BMAL2: variants seen among roughly 807,000 people sequenced by gnomAD.
BMAL2 encodes basic helix-loop-helix ARNT like 2, also known as basic helix-loop-helix ARNT-like protein 2.
At chr12:27,409,937 T>C in the BMAL2 span, among the ~76,000 whole-genome samples, 2 of 151,978 alleles carry the variant, frequency 1.3e-5, no homozygotes, top group African/African-American at 4.8e-5. Context: ...GGGCAAAGGA[T>C]ATGAACAGAT....
the BMAL2 span, among the ~76,000 whole-genome samples, chr12:27,346,483 G>A: frequency 7.9e-5 from 12 of 152,054 alleles, no homozygotes; most frequent in South Asian, 2.1e-4. Flanking sequence ...GGCTGGTCTC[G>A]AACTCCTGAC....
At chr12:27,371,692 A>G in the BMAL2 span, among the ~76,000 whole-genome samples, 1 of 148,836 alleles carries the variant, frequency 6.7e-6, no homozygotes, top group Non-Finnish European at 1.5e-5. Flanking sequence ...GCACTTTTTC[A>G]CTTTTTTATT....
At chr12:27,347,246 T>A in the BMAL2 span, among the ~76,000 whole-genome samples, 69 of 152,332 alleles carry the variant, frequency 4.5e-4, no homozygotes, top group African/African-American at 1.6e-3. Flanking sequence ...GGAAGTGATA[T>A]GGCTATTTTA....
the BMAL2 span, among the ~76,000 whole-genome samples, chr12:27,333,331 G>A: frequency 6.6e-6 from 1 of 152,032 alleles, no homozygotes; most frequent in African/African-American, 2.4e-5. Flanking sequence ...GGGACGCGGG[G>A]AGGGGAGCTG....
the BMAL2 span, chr12:27,387,130 C>T: frequency 2.5e-6 from 2 of 787,886 alleles, no homozygotes; most frequent in Non-Finnish European, 4.2e-6. Flanking sequence ...GTTTTATTGC[C>T]ACAGTAATTT....
chr12:27,396,900 AT>A, the BMAL2 span, among the ~76,000 whole-genome samples: 31,274 of 152,030 alleles, frequency 0.21, 3,947 homozygotes, highest in African/African-American at 0.35. Flanking sequence ...ATAAACCCTG[AT>A]TTGCCACCTG....
chr12:27,346,767 T>C, the BMAL2 span, among the ~76,000 whole-genome samples: 2 of 152,196 alleles, frequency 1.3e-5, no homozygotes, highest in Non-Finnish European at 2.9e-5. Flanking sequence ...TTGAGATGGT[T>C]CGGATGTTTG....
the BMAL2 span, among the ~76,000 whole-genome samples, chr12:27,340,537 G>A: frequency 1.3e-5 from 2 of 151,900 alleles, no homozygotes; most frequent in Non-Finnish European, 2.9e-5. Flanking sequence ...TTAGGCAATG[G>A]TGATACTTCC....
At chr12:27,374,571 A>G in the BMAL2 span, among the ~76,000 whole-genome samples, 1 of 152,240 alleles carries the variant, frequency 6.6e-6, no homozygotes, top group Non-Finnish European at 1.5e-5. Flanking sequence ...ATTCATCTGT[A>G]TAATTGTTTT....
chr12:27,418,970 C>G, the BMAL2 span, among the ~76,000 whole-genome samples: 1 of 84,892 alleles, frequency 1.2e-5, no homozygotes, highest in South Asian at 3.9e-4. Context: ...CAGAACAAGA[C>G]TCCATCTAAA....
the BMAL2 span, among the ~76,000 whole-genome samples, chr12:27,408,690 G>T: frequency 5.3e-5 from 8 of 152,182 alleles, no homozygotes; most frequent in African/African-American, 1.9e-4. Context: ...GCACAAGACA[G>T]GGATGCCGTC....
the BMAL2 span, among the ~76,000 whole-genome samples, chr12:27,377,981 C>T: frequency 0.12 from 18,590 of 152,054 alleles, 1,601 homozygotes; most frequent in African/African-American, 0.24. Context: ...AAAAATTACA[C>T]TTTCTTTTAT....
chr12:27,370,140 TG>T, the BMAL2 span: 1 of 1,613,844 alleles, frequency 6.2e-7, no homozygotes, highest in Non-Finnish European at 8.5e-7. Context: ...TCAGGAATCA[TG>T]ACAGAAAAAG....
chr12:27,350,528 C>A, the BMAL2 span, among the ~76,000 whole-genome samples: 3 of 152,172 alleles, frequency 2.0e-5, no homozygotes, highest in African/African-American at 7.2e-5. Flanking sequence ...TCTTTAGCAA[C>A]ACAAAGTTCA....
chr12:27,371,921 C>G, the BMAL2 span, among the ~76,000 whole-genome samples: 1 of 152,158 alleles, frequency 6.6e-6, no homozygotes, highest in Non-Finnish European at 1.5e-5. Flanking sequence ...CCCTGCTAAC[C>G]TCTAGTATAT....
At chr12:27,387,182 G>T in the BMAL2 span, 1 of 1,322,736 alleles carries the variant, frequency 7.6e-7, no homozygotes, top group South Asian at 1.2e-5. Flanking sequence ...GTGTGTATAA[G>T]AGACAGACAA....
chr12:27,339,823 G>A, the BMAL2 span, among the ~76,000 whole-genome samples: 1 of 151,952 alleles, frequency 6.6e-6, no homozygotes, highest in Non-Finnish European at 1.5e-5. Flanking sequence ...TCTGATTGTG[G>A]TTTTGATTTG....
At chr12:27,382,840 G>A in the BMAL2 span, among the ~76,000 whole-genome samples, 1 of 152,290 alleles carries the variant, frequency 6.6e-6, no homozygotes, top group Admixed American at 6.5e-5. Flanking sequence ...AAACGATCTG[G>A]ATGAAGAACA....
chr12:27,402,498 G>T, the BMAL2 span: 22 of 728,134 alleles, frequency 3.0e-5, no homozygotes, highest in Non-Finnish European at 4.5e-5. Flanking sequence ...CTAACAATAT[G>T]TGTATATAAA....
Sources: gnomAD v4.1 joint callset for allele counts (sites outside exome capture counted in the v4.1 genomes callset) on GRCh38, gnomAD v4.1.1 for gene constraint, MANE v1.5 for transcripts, NCBI Gene and HGNC (gene_info 2026-07-23, HGNC 2026-07-21) for gene names.